The following SAFB2 variants were observed in gnomAD, a reference collection of about 807,000 sequenced individuals.
SAFB2 encodes scaffold attachment factor B2.
SAFB2 carries 32 observed loss-of-function variants against 100.6 expected under a neutral mutation model. The observed-to-expected ratio is 0.32, with a 90% confidence interval of 0.24 to 0.43. The LOEUF (loss-of-function observed/expected upper bound fraction) is 0.43, where lower values mean the gene tolerates loss of function less well. Among genes scored for constraint, SAFB2 ranks in the 20% least tolerant of loss-of-function variants. The pLI is 1.00. For synonymous variants in SAFB2, 500 were observed against 439.4 expected (o/e 1.14, Z -1.72); for missense variants, 1,185 against 1,163.4 (o/e 1.02, Z -0.27).
At position 5,592,708 on chromosome 19, in the gene SAFB2, A is replaced by G. The variant is rs1365608566; in HGVS notation, c.2348+39T>C. The G allele has an allele frequency of 6.2e-6, 10 of 1,611,030 alleles. No individual in the cohort carries two copies. In the Admixed American group the frequency reaches 1.3e-4, roughly 21 times the overall value. ...AGGTCAGCTGGATGCCCCGGTGCCCACAATGACTGTAGCTAAAGGAGGGGA... is the reference window on the plus strand; with the variant it reads ...AGGTCAGCTGGATGCCCCGGTGCCCGCAATGACTGTAGCTAAAGGAGGGGA... On this transcript the variant is annotated intron_variant, in intron 16 of 20. Transcript: ENST00000252542.
chr19:5,610,679 C>A lies in SAFB2; in HGVS notation c.1155G>T (p.Lys385Asn). The change falls in exon 8 of 21, where the codon AAG becomes AAT. Residue 385 changes from lysine (K) to asparagine (N), a missense_variant. Lys to Asn is a moderately conservative substitution (Grantham distance 94, BLOSUM62 0). Coordinates refer to ENST00000252542, the MANE Select transcript of SAFB2 (RefSeq NM_014649.3). ...TGATTGGCTTTATATCTTTTTCTTCCTTAAAAGAGCTAGAGACAAAAGTTA... is the reference window on the plus strand; with the variant it reads ...TGATTGGCTTTATATCTTTTTCTTCATTAAAAGAGCTAGAGACAAAAGTTA... Reference protein sequence around the residue: ...EGADQKMSSFKEEKDIKPIIK... With the variant: ...EGADQKMSSFNEEKDIKPIIK... 1 of 1,553,888 alleles carries A rather than the reference C, an allele frequency of 6.4e-7. No homozygotes were observed. Among genetic ancestry groups the A allele is most frequent in the South Asian group, 1.2e-5 (1 of 86,436 alleles).
chr19:5,599,058 G>A (rs1441587179), intron 12 of SAFB2, among the ~76,000 whole-genome samples, 174 bp from the exon 13 acceptor site: 1 of 152,140 alleles, frequency 6.6e-6, no homozygotes, highest in Non-Finnish European at 1.5e-5. Context: ...GGTAACACGG[G>A]CACAGCATCA....
chr19:5,598,685 A>G, intron 13 of SAFB2, 108 bp downstream of exon 13: 4 of 998,706 alleles, frequency 4.0e-6, no homozygotes, highest in Non-Finnish European at 6.3e-6. Context: ...CCTCCTACAA[A>G]CTTCAATTTT....
chr19:5,615,356 AAAAC>A (rs539553510), intron 4 of SAFB2, among the ~76,000 whole-genome samples: 46 of 152,160 alleles, frequency 3.0e-4, no homozygotes, highest in African/African-American at 9.2e-4. Context: ...CTCTGTCTCA[AAAAC>A]AAACAAACAA....
intron 11 of SAFB2, 50 bp downstream of exon 11, chr19:5,604,533 C>T (rs141288775): frequency 2.6e-5 from 38 of 1,435,352 alleles, no homozygotes; most frequent in African/African-American, 1.8e-4. Flanking sequence ...GGTGGCTGCC[C>T]GTGCCCTCCT....
rs777512759 is a variant in SAFB2 at position 5,591,782 on chromosome 19, G to A, written c.2360C>T (p.Ser787Leu). 12 of 1,613,552 alleles carry A rather than the reference G, an allele frequency of 7.4e-6. No homozygotes were observed. The highest frequency in any genetic ancestry group is 4.4e-5 in the South Asian group (4 of 91,022). Residue 787 changes from serine (S) to leucine (L), a missense_variant, in exon 17 of 21, where the codon TCG becomes TTG. Ser to Leu is a moderately radical substitution (Grantham distance 145, BLOSUM62 -2). Coordinates refer to ENST00000252542, the MANE Select transcript of SAFB2 (RefSeq NM_014649.3). ...QDHAIDRREG[S>L]RPMMGDHRDG... ...CCGGTGGTCTCCCATCATTGGCCTC[G>A]AACCCTCCCGCCTGCAAAAGGAAAA...
chr19:5,618,726 G>A (rs1470191847), intron 2 of SAFB2, among the ~76,000 whole-genome samples: 1 of 152,210 alleles, frequency 6.6e-6, no homozygotes, highest in Non-Finnish European at 1.5e-5. Flanking sequence ...GCCGGAAATA[G>A]GAGAAATGCT....
At chr19:5,617,375 T>C (rs1284604189) in intron 2 of SAFB2, among the ~76,000 whole-genome samples, 2 of 152,052 alleles carry the variant, frequency 1.3e-5, no homozygotes, top group Non-Finnish European at 1.5e-5. Flanking sequence ...CTGCTAGGAA[T>C]TGCAAAAGGA....
chr19:5,620,202 T>A (rs2053112302), intron 2 of SAFB2, among the ~76,000 whole-genome samples: 1 of 152,224 alleles, frequency 6.6e-6, no homozygotes, highest in Admixed American at 6.5e-5. Flanking sequence ...AAAGATTTAA[T>A]CTTTCAAACT....
rs1568201312 is a variant in SAFB2 at position 5,587,398 on chromosome 19, G to A, written c.2707C>T (p.Arg903Ter). ...TGTCCACCTTGTGCAAAGCCGCCTCGCCTAGGAACAAAGTCAGACAATTTT... is the reference window on the plus strand; with the variant it reads ...TGTCCACCTTGTGCAAAGCCGCCTCACCTAGGAACAAAGTCAGACAATTTT... ...HMASRGGVAGRGGFAQGGHSQ... is the reference protein window; with the variant it reads ...HMASRGGVAG The change falls in exon 21 of 21, where the codon CGA (arginine) becomes TGA (stop). Residue 903 changes from arginine to a stop codon, truncating the protein, a stop_gained and splice_region_variant. Transcript: ENST00000252542. LOFTEE classifies it low-confidence loss of function (END_TRUNC). This position sits in a 1 kb window ranked among gnomAD's most constrained non-coding sequence, Gnocchi z 4.9. The A allele has an allele frequency of 1.2e-6, 2 of 1,609,912 alleles. No individual in the cohort carries two copies. Among genetic ancestry groups the A allele is most frequent in the Non-Finnish European group, 1.7e-6 (2 of 1,178,260 alleles).
At chr19:5,617,738 C>T (rs185215473) in intron 2 of SAFB2, among the ~76,000 whole-genome samples, 2 of 152,302 alleles carry the variant, frequency 1.3e-5, no homozygotes, top group South Asian at 2.1e-4. Context: ...GAGAATTCTT[C>T]GGCCCAAATT....
At position 5,587,824 on chromosome 19, in the gene SAFB2, T is replaced by C. The variant is rs1489039745; in HGVS notation, c.2638+44A>G. On this transcript the variant is annotated intron_variant, in intron 19 of 20. Transcript: ENST00000252542. The surrounding 1 kb of genome is among the most constrained non-coding windows in gnomAD (Gnocchi z 4.9). ...GTTCCTGGGGAAGCCCCTGGACACA[T>C]GTGGGGGCCACAGCCACCCTCGTCC... The C allele has an allele frequency of 1.3e-6, 2 of 1,577,196 alleles. No homozygotes were observed. The highest frequency in any genetic ancestry group is 1.7e-6 in the Non-Finnish European group (2 of 1,160,386).
intron 9 of SAFB2, among the ~76,000 whole-genome samples, chr19:5,609,162 C>T (rs1159289041): frequency 6.6e-6 from 1 of 151,740 alleles, no homozygotes; most frequent in East Asian, 1.9e-4. Flanking sequence ...CTTTGGAAAG[C>T]TGCTGAATTG....
intron 18 of SAFB2, chr19:5,589,051 T>G (rs1021194486): frequency 2.0e-5 from 3 of 152,240 alleles, no homozygotes; most frequent in Non-Finnish European, 4.4e-5. Context: ...TCAGGCCAAG[T>G]GAGCCAGCCC....
rs2052484188 is a variant in SAFB2, at chr19:5,594,134, T to C, written c.1964A>G (p.His655Arg). The C allele has an allele frequency of 1.2e-6, 2 of 1,602,216 alleles. No individual in the cohort carries two copies. The highest frequency in any genetic ancestry group is 2.2e-5 in the East Asian group (1 of 44,810). Residue 655 changes from histidine (H) to arginine (R), a missense_variant, in exon 15 of 21, where the codon CAT (histidine) becomes CGT (arginine). Coordinates refer to ENST00000252542, the MANE Select transcript of SAFB2 (RefSeq NM_014649.3). ...TAGCCGGGCCTTCTCCTTCCGCTCA[T>C]GGAAGGCCTCGAGGCGTTGCTCCCG... ...REREQRLEAF[H>R]ERKEKARLQR...
chr19:5,614,232 T>A (rs1186035650), intron 4 of SAFB2, among the ~76,000 whole-genome samples: 2 of 152,138 alleles, frequency 1.3e-5, no homozygotes, highest in Non-Finnish European at 2.9e-5. Flanking sequence ...GGATTACAGG[T>A]GTGAGCCACC....
At chr19:5,613,440 G>A (rs771440687) in intron 5 of SAFB2, 25 bp downstream of exon 5, 14 of 1,594,166 alleles carry the variant, frequency 8.8e-6, no homozygotes, top group South Asian at 6.6e-5. Flanking sequence ...CATTTCCAGC[G>A]ATGCAGAACC....
intron 9 of SAFB2, among the ~76,000 whole-genome samples, chr19:5,605,738 T>C (rs952385028): frequency 6.6e-6 from 1 of 152,182 alleles, no homozygotes; most frequent in Admixed American, 6.5e-5. Context: ...TGATGAAACG[T>C]AGGCAACGAC....
chr19:5,609,668 T>C lies in SAFB2; in HGVS notation c.1296+327A>G, dbSNP rs377279764. ...CCAGTTAGAAAGAACCCCAAGAACA[T>C]TGAGAGAGAAGCTGTTTATACAGCT... is the stretch of plus-strand genomic sequence containing the variant. On this transcript the variant is annotated intron_variant, in intron 9 of 20. Transcript: ENST00000252542. Among the ~76,000 whole-genome samples, 43 of 152,290 alleles carry C rather than the reference T, an allele frequency of 2.8e-4. No individual in the cohort carries two copies. In the East Asian group the frequency reaches 3.5e-3, roughly 12 times the overall value.
Sources: gnomAD v4.1 joint callset for allele counts (sites outside exome capture counted in the v4.1 genomes callset) on GRCh38, gnomAD v4.1.1 for gene constraint, Gnocchi (gnomAD v3.1) non-coding constraint, MANE v1.5 for transcripts, NCBI Gene and HGNC (gene_info 2026-07-23, HGNC 2026-07-21) for gene names.